GOT1: variants seen among roughly 807,000 people sequenced by gnomAD.
The protein encoded by GOT1 is aspartate aminotransferase, cytoplasmic.
A neutral mutation model predicts 48.2 loss-of-function variants in GOT1; 25 were observed. The ratio of observed to expected loss-of-function variants is 0.52; its 90% CI spans 0.38 to 0.72. The LOEUF (loss-of-function observed/expected upper bound fraction) is 0.72. Ranked by LOEUF, GOT1 falls within the 30% of genes least tolerant of loss-of-function variation. The pLI, the probability that GOT1 is intolerant of heterozygous loss-of-function variation, is 0.00. For missense variants in GOT1, 380 were observed against 520.1 expected (o/e 0.73, Z 2.62); for synonymous variants, 188 against 193.8 (o/e 0.97, Z 0.25).
chr10:99,408,877 A>G (rs1363634109), intron 2 of GOT1, among the ~76,000 whole-genome samples: 1 of 152,182 alleles, frequency 6.6e-6, no homozygotes, highest in Non-Finnish European at 1.5e-5. Context: ...GTATTCATGT[A>G]TTAGTCATAA....
At chr10:99,400,614 G>A (rs538388221) in intron 8 of GOT1, among the ~76,000 whole-genome samples, 1 of 151,476 alleles carries the variant, frequency 6.6e-6, no homozygotes, top group Non-Finnish European at 1.5e-5. Context: ...TCCACCCTGG[G>A]TGACAGAGCG....
intron 1 of GOT1, among the ~76,000 whole-genome samples, chr10:99,423,556 A>G (rs1272757911): frequency 6.6e-6 from 1 of 152,254 alleles, no homozygotes; most frequent in Non-Finnish European, 1.5e-5. Flanking sequence ...AGACTGACAG[A>G]GCCACTGACC....
chr10:99,416,805 C>T (rs1168190474), intron 2 of GOT1, among the ~76,000 whole-genome samples: 1 of 152,062 alleles, frequency 6.6e-6, no homozygotes, highest in Non-Finnish European at 1.5e-5. Flanking sequence ...CTTTGACAAA[C>T]CTGACAAAAA....
intron 1 of GOT1, among the ~76,000 whole-genome samples, chr10:99,428,721 C>A (rs4919310): frequency 0.45 from 69,027 of 152,116 alleles, 18,694 homozygotes; most frequent in Non-Finnish European, 0.6. Context: ...GTATACATCC[C>A]GCTGCAAAGA....
At chr10:99,427,792 G>C (rs2134111960) in intron 1 of GOT1, among the ~76,000 whole-genome samples, 1 of 152,314 alleles carries the variant, frequency 6.6e-6, no homozygotes, top group South Asian at 2.1e-4. Context: ...AGGCCTGAGA[G>C]ACCTGGCCTG....
In GOT1 at chr10:99,403,514, C is replaced by G; in HGVS notation, c.914G>C (p.Arg305Pro). The G allele has an allele frequency of 3.1e-6, 5 of 1,614,094 alleles. No individual in the cohort carries two copies. Among genetic ancestry groups the G allele is most frequent in the Non-Finnish European group, 4.2e-6 (5 of 1,180,002 alleles). ...TWSNPPAQGARIVASTLSNPE... is the reference protein window; with the variant it reads ...TWSNPPAQGAPIVASTLSNPE... The stretch of plus-strand genomic sequence containing the variant: ...GTTAGAGAGGGTGCTGGCCACAATT[C>G]GTGCTCCCTGGGCGGGGGGATTGGA... Residue 305 changes from arginine (R) to proline (P), a missense_variant, in exon 7 of 9, where the codon CGA (arginine) becomes CCA (proline). Transcript: ENST00000370508.
At chr10:99,405,542 C>CAT (rs747217477) in intron 5 of GOT1, among the ~76,000 whole-genome samples, 1 of 151,752 alleles carries the variant, frequency 6.6e-6, no homozygotes, top group Non-Finnish European at 1.5e-5. Context: ...CACACACACA[C>CAT]ACACACACAC....
intron 2 of GOT1, among the ~76,000 whole-genome samples, chr10:99,410,860 A>G (rs1321667486): frequency 6.6e-6 from 1 of 152,236 alleles, no homozygotes; most frequent in African/African-American, 2.4e-5. Flanking sequence ...GGTAAACAAG[A>G]GTATCCAGAA....
At chr10:99,423,965 A>G (rs191071053) in intron 1 of GOT1, among the ~76,000 whole-genome samples, 5 of 152,098 alleles carry the variant, frequency 3.3e-5, no homozygotes, top group Admixed American at 3.3e-4. Flanking sequence ...CCAACTCACA[A>G]TACTCTCATA....
intron 1 of GOT1, among the ~76,000 whole-genome samples, chr10:99,424,080 A>T (rs2033006243): frequency 6.6e-6 from 1 of 152,252 alleles, no homozygotes; most frequent in Non-Finnish European, 1.5e-5. Flanking sequence ...GTACCAAAAT[A>T]GCTACTTCCA....
chr10:99,410,696 G>A (rs1371363842), intron 2 of GOT1, among the ~76,000 whole-genome samples: 1 of 152,186 alleles, frequency 6.6e-6, no homozygotes, highest in Non-Finnish European at 1.5e-5. Flanking sequence ...CAAGTTTTTG[G>A]TGAATCAATA....
At chr10:99,424,237 C>G (rs1353958021) in intron 1 of GOT1, among the ~76,000 whole-genome samples, 1 of 152,176 alleles carries the variant, frequency 6.6e-6, no homozygotes, top group Non-Finnish European at 1.5e-5. Flanking sequence ...AATCTTTGTC[C>G]TTTGAAAGTC....
At chr10:99,399,982 G>A (rs1019050323) in intron 8 of GOT1, among the ~76,000 whole-genome samples, 9 of 152,160 alleles carry the variant, frequency 5.9e-5, no homozygotes, top group Admixed American at 5.9e-4. Flanking sequence ...CCCTGGGTGT[G>A]CCACTCTTTC....
At chr10:99,406,320 C>A in intron 3 of GOT1, 71 bp from the exon 4 acceptor site, 1 of 1,102,476 alleles carries the variant, frequency 9.1e-7, no homozygotes, top group South Asian at 1.3e-5. Context: ...GGATGCAAGT[C>A]AGCTTCCAGG....
chr10:99,400,596 C>T (rs537180819), intron 8 of GOT1, among the ~76,000 whole-genome samples: 6 of 152,028 alleles, frequency 3.9e-5, no homozygotes, highest in South Asian at 4.2e-4. Flanking sequence ...GAGATTGCAC[C>T]GCTGTACTCC....
At chr10:99,417,576 T>C (rs1228172966) in intron 2 of GOT1, among the ~76,000 whole-genome samples, 1 of 152,236 alleles carries the variant, frequency 6.6e-6, no homozygotes, top group Admixed American at 6.5e-5. Context: ...ATCCCATTAC[T>C]GGGTATATAC....
intron 2 of GOT1, among the ~76,000 whole-genome samples, chr10:99,413,925 G>A (rs892766032): frequency 1.3e-5 from 2 of 152,098 alleles, no homozygotes; most frequent in South Asian, 4.1e-4. Flanking sequence ...TGCCCTACAA[G>A]AGCTCCTGAA....
chr10:99,398,386 T>C (rs1017381709), intron 8 of GOT1, among the ~76,000 whole-genome samples: 13 of 152,184 alleles, frequency 8.5e-5, no homozygotes, highest in African/African-American at 2.9e-4. Context: ...TTTAGTGAAT[T>C]TGGCTGGGCA....
intron 2 of GOT1, among the ~76,000 whole-genome samples, chr10:99,418,457 C>A (rs1286786639): frequency 6.7e-6 from 1 of 149,074 alleles, no homozygotes; most frequent in East Asian, 1.9e-4. Context: ...TATTTAGTTT[C>A]AGAAGAGAGG....
Sources: allele counts gnomAD v4.1 joint callset (sites outside exome capture counted in the v4.1 genomes callset), GRCh38; gene constraint gnomAD v4.1.1; transcripts MANE v1.5; gene names NCBI Gene and HGNC (gene_info 2026-07-23, HGNC 2026-07-21).